Variants in NELFA observed in about 807,000 individuals in gnomAD.
The protein encoded by NELFA is negative elongation factor complex member A.
Under a neutral mutation model 51.8 loss-of-function variants are expected in NELFA, and 35 were observed. The ratio of observed to expected loss-of-function variants is 0.68; its 90% CI spans 0.52 to 0.90. The LOEUF (loss-of-function observed/expected upper bound fraction) is 0.90. NELFA is among the 40% of genes least tolerant of loss of function. The pLI, the probability that NELFA is intolerant of heterozygous loss-of-function variation, is 0.00. For missense variants in NELFA, 658 were observed against 746.4 expected, an observed-to-expected ratio of 0.88 and a Z score of 1.38; for synonymous variants, 417 against 338.4, an observed-to-expected ratio of 1.23 and a Z score of -2.55.
At chr4:2,005,142 GA>G (rs1230834348) in intron 1 of NELFA, among the ~76,000 whole-genome samples, 1 of 136,848 alleles carries the variant, frequency 7.3e-6, no homozygotes, top group African/African-American at 2.8e-5. Context: ...ATGATTAAAA[GA>G]TTTTTTTTTA....
chr4:1,991,777 C>T lies in NELFA; in HGVS notation c.211-62G>A, dbSNP rs768745593. On this transcript the variant is annotated intron_variant, in intron 1 of 10. Transcript: ENST00000382882. ...TGCCCACTTCCAAGCCCACTCCCTG[C>T]TGAGCTTCCGGATGGGCACTGGGCA... 7 of 1,510,710 alleles carry T rather than the reference C, an allele frequency of 4.6e-6. No homozygotes were observed. In the Admixed American group the frequency reaches 6.4e-5, roughly 14 times the overall value. 93.6% of individuals were successfully genotyped at this position (1,510,710 alleles called of 1,614,324 possible).
In NELFA at chr4:1,994,533, C is replaced by T. The variant is rs909530121; in HGVS notation, c.211-2818G>A. Among the ~76,000 whole-genome samples the T allele has an allele frequency of 1.0e-3, 152 of 151,428 alleles. 1 individual carries two copies. The highest frequency in any genetic ancestry group is 2.8e-4 in the Non-Finnish European group (19 of 67,876). On this transcript the variant is annotated intron_variant, in intron 1 of 10. Coordinates refer to ENST00000382882, the MANE Select transcript of NELFA (RefSeq NM_005663.5). Reference sequence around the variant, plus strand: ...TGAGCCAAGATGGCGCCACTGTACTCCAGCCTGGGCAACAGAGCAAGAGTC... The same window carrying T: ...TGAGCCAAGATGGCGCCACTGTACTTCAGCCTGGGCAACAGAGCAAGAGTC...
At position 1,990,661 on chromosome 4, in the gene NELFA, T is replaced by C. The variant is rs141919927; in HGVS notation, c.383-792A>G. ...TCTCCATCCCACAACCCTGTCTCTC[T>C]GGGTGCTGCCCTTGAAGGAGCTGGG... On this transcript the variant is annotated intron_variant, in intron 2 of 10. Coordinates refer to ENST00000382882, the MANE Select transcript of NELFA (RefSeq NM_005663.5). Among the ~76,000 whole-genome samples the C allele has an allele frequency of 7.9e-5, 12 of 152,332 alleles. No individual in the cohort carries two copies. In the East Asian group the frequency reaches 2.3e-3, roughly 29 times the overall value.
chr4:1,985,684 ATATT>A (rs1728065967), intron 7 of NELFA, 88 bp downstream of exon 7: 1 of 902,584 alleles, frequency 1.1e-6, no homozygotes, highest in Admixed American at 2.0e-5. Flanking sequence ...ATACATATAT[ATATT>A]CTCCGACAGA....
rs149516781 is a variant in NELFA at position 1,998,074 on chromosome 4, C to T, written c.211-6359G>A. Among the ~76,000 whole-genome samples the T allele has an allele frequency of 4.7e-3, 701 of 150,650 alleles. 5 individuals carry two copies. Among genetic ancestry groups the T allele is most frequent in the African/African-American group, 0.017 (678 of 40,660 alleles). On this transcript the variant is annotated intron_variant, in intron 1 of 10. Coordinates refer to ENST00000382882, the MANE Select transcript of NELFA (RefSeq NM_005663.5). The stretch of plus-strand genomic sequence containing the variant: ...ACATGACTACGGCAAGGAAAACAAA[C>T]GAGCAGAAAACGACAACAGCATCAA...
chr4:2,008,686 G>A lies in NELFA; in HGVS notation c.210+64C>T. ...GGGAGCGAGGAGGGTCCGGAGTTGG[G>A]TGTGCGGGTCGGAGGTGGGAAGGTT... On this transcript the variant is annotated intron_variant, in intron 1 of 10. Coordinates refer to ENST00000382882, the MANE Select transcript of NELFA (RefSeq NM_005663.5). 4 of 1,538,096 alleles carry A rather than the reference G, an allele frequency of 2.6e-6. No individual in the cohort carries two copies. In the South Asian group the frequency reaches 4.9e-5, roughly 19 times the overall value.
intron 7 of NELFA, among the ~76,000 whole-genome samples, chr4:1,985,229 G>A (rs1728047964): frequency 6.6e-6 from 1 of 152,224 alleles, no homozygotes; most frequent in Admixed American, 6.5e-5. Context: ...AAAGGAAGAT[G>A]CTCATGTTAA....
rs761468399 is a variant in NELFA at position 1,983,848 on chromosome 4, C to T, written c.1302G>A (p.Thr434=). The T allele has an allele frequency of 2.0e-5, 31 of 1,571,764 alleles. No individual in the cohort carries two copies. The highest frequency in any genetic ancestry group is 1.1e-4 in the East Asian group (5 of 44,532). ...QQQPKKNLSL[T]REQMFAAQEM... Reference sequence around the variant, plus strand: ...GTGGGCCCTACCAGTGTACACCTACCGTGAGGGACAGGTTCTTCTTAGGCT... The same window carrying T: ...GTGGGCCCTACCAGTGTACACCTACTGTGAGGGACAGGTTCTTCTTAGGCT... The change falls in exon 9 of 11, where the codon ACG becomes ACA. Residue 434 remains threonine (T), a splice_region_variant and synonymous_variant. Transcript: ENST00000382882.
Position 1,986,376 on chromosome 4 carries a change from C to G in NELFA, c.661G>C (p.Ala221Pro), listed in dbSNP as rs2234565. The change falls in exon 5 of 11, where the codon GCG becomes CCG. Residue 221 changes from alanine (A) to proline (P), a missense_variant. Transcript: ENST00000382882. ...TTPLKGIPKQAPFRSPTAPSV... is the reference protein window; with the variant it reads ...TTPLKGIPKQPPFRSPTAPSV... ...GGCGCCGTGGGGCTTCTGAAGGGCG[C>G]CTGCTTCGGGATGCCTTTGAGTGGG... 8.1e-4 allele frequency: 1,301 copies of G among 1,611,400 alleles called. 8 individuals carry two copies. In the African/African-American group the frequency reaches 0.016, roughly 20 times the overall value.
intron 4 of NELFA, 114 bp downstream of exon 4, chr4:1,987,804 G>T: frequency 1.1e-6 from 1 of 893,494 alleles, no homozygotes; most frequent in Non-Finnish European, 1.7e-6. Flanking sequence ...TCCCAACACT[G>T]CTGCCTGAAG....
chr4:1,991,938 T>C (rs1577619678), intron 1 of NELFA: 2 of 479,300 alleles, frequency 4.2e-6, no homozygotes, highest in Admixed American at 3.9e-5. Context: ...GGCCCCGGCA[T>C]CCGGTGCCCT....
intron 3 of NELFA, among the ~76,000 whole-genome samples, chr4:1,988,622 C>T (rs907906765): frequency 6.6e-6 from 1 of 152,256 alleles, no homozygotes; most frequent in African/African-American, 2.4e-5. Context: ...TGCACAGCTG[C>T]TGTCAGCCTT....
chr4:1,989,920 C>G lies in NELFA; in HGVS notation c.383-51G>C. 1 of 1,584,174 alleles carries G rather than the reference C, an allele frequency of 6.3e-7. No homozygotes were observed. The highest frequency in any genetic ancestry group is 8.6e-7 in the Non-Finnish European group (1 of 1,164,886). On this transcript the variant is annotated intron_variant, in intron 2 of 10. Coordinates refer to ENST00000382882, the MANE Select transcript of NELFA (RefSeq NM_005663.5). This position sits in a 1 kb window ranked among gnomAD's most constrained non-coding sequence, Gnocchi z 4.8. Reference sequence around the variant, plus strand: ...AGGGGCGCCCAGGCCGCAGACCTCCCGGCTGAGAGGAGCTGGCGGCTGCCC... The same window carrying G: ...AGGGGCGCCCAGGCCGCAGACCTCCGGGCTGAGAGGAGCTGGCGGCTGCCC...
At position 1,986,058 on chromosome 4, in the gene NELFA, T is replaced by C. The variant is rs897246964; in HGVS notation, c.835+56A>G. On this transcript the variant is annotated intron_variant, in intron 6 of 10. Coordinates refer to ENST00000382882, the MANE Select transcript of NELFA (RefSeq NM_005663.5). ...GAGCGTGGGCACAACCCACCCCAAC[T>C]GGGCAGGGCCCGCAGGGACCCCCAT... 4.1e-5 allele frequency: 62 copies of C among 1,530,162 alleles called. No individual in the cohort carries two copies. The African/African-American group carries it at 7.6e-4, about 19-fold the overall frequency. 94.8% of individuals were successfully genotyped at this position (1,530,162 alleles called of 1,614,324 possible). A position where few individuals can be genotyped will look rare whatever the true frequency, so the allele number is the denominator to read the frequency against.
At chr4:1,986,673 G>C (rs993362737) in intron 4 of NELFA, 2 of 438,278 alleles carry the variant, frequency 4.6e-6, no homozygotes, top group East Asian at 9.1e-5. Flanking sequence ...TCTCTCACCA[G>C]TGTGGCGGGG....
intron 1 of NELFA, among the ~76,000 whole-genome samples, chr4:2,002,830 C>T (rs1002138809): frequency 1.3e-5 from 2 of 152,164 alleles, no homozygotes; most frequent in Non-Finnish European, 2.9e-5. Context: ...CGGCCAACAA[C>T]TTCATGACAA....
intron 8 of NELFA, 90 bp downstream of exon 8, chr4:1,984,718 G>A: frequency 1.2e-6 from 1 of 869,254 alleles, no homozygotes; most frequent in Non-Finnish European, 1.8e-6. Flanking sequence ...AGATGCAGGA[G>A]TGAGAACCGC....
rs1727961362 is a variant in NELFA, at chr4:1,983,466, G to C, written c.1440C>G (p.Ile480Met). The change falls in exon 11 of 11, where the codon ATC becomes ATG. Residue 480 changes from isoleucine to methionine, a missense_variant. Physicochemically the swap from Ile to Met is conservative, Grantham distance 10. Coordinates refer to ENST00000382882, the MANE Select transcript of NELFA (RefSeq NM_005663.5). ...PCQEQGDVIQ[I>M]KLSEHTEDLP... is the part of the protein sequence containing the mutation. ...GGTCCTCCGTGTGCTCGCTCAGCTT[G>C]ATCTGGATCACGTCCCCCTGCTCCT... 1 of 1,614,046 alleles carries C rather than the reference G, an allele frequency of 6.2e-7. No individual in the cohort carries two copies. Among genetic ancestry groups the C allele is most frequent in the Admixed American group, 1.7e-5 (1 of 60,010 alleles).
intron 7 of NELFA, 36 bp downstream of exon 7, chr4:1,985,740 G>C (rs761642814): frequency 6.4e-7 from 1 of 1,560,822 alleles, no homozygotes; most frequent in South Asian, 1.1e-5. Context: ...GGCACCCGCA[G>C]TGGTGCCAGA....
Sources: allele counts gnomAD v4.1 joint callset (sites outside exome capture counted in the v4.1 genomes callset), GRCh38; gene constraint gnomAD v4.1.1; non-coding constraint Gnocchi (gnomAD v3.1); transcripts MANE v1.5; gene names NCBI Gene and HGNC (gene_info 2026-07-23, HGNC 2026-07-21).